Variants in PPP1R12C observed in about 807,000 individuals in gnomAD.
PPP1R12C encodes protein phosphatase 1 regulatory subunit 12C.
In PPP1R12C, 48 loss-of-function variants were observed where a neutral mutation model predicts 95.6. The ratio of observed to expected loss-of-function variants is 0.50; its 90% confidence interval spans 0.40 to 0.64. PPP1R12C has a LOEUF of 0.64. Among genes scored for constraint, PPP1R12C ranks in the 30% least tolerant of loss-of-function variants. PPP1R12C has a pLI of 0.00. For synonymous variants in PPP1R12C, 480 were observed against 460.8 expected, an observed-to-expected ratio of 1.04 and a Z score of -0.53; for missense variants, 1,057 against 1,083.3, an observed-to-expected ratio of 0.98 and a Z score of 0.34.
chr19:55,105,409 T>C (rs542246044), intron 3 of PPP1R12C, among the ~76,000 whole-genome samples: 1 of 152,358 alleles, frequency 6.6e-6, no homozygotes, highest in East Asian at 1.9e-4. Context: ...TGTCTGTATC[T>C]GTAGACAGAG....
rs1028648066 is a variant in PPP1R12C at position 55,109,941 on chromosome 19, C to G, written c.571+2526G>C. Among the ~76,000 whole-genome samples the G allele has an allele frequency of 1.3e-5, 2 of 152,176 alleles. No homozygotes were observed. Among genetic ancestry groups the G allele is most frequent in the East Asian group, 3.9e-4 (2 of 5,178 alleles). On this transcript the variant is annotated intron_variant, in intron 3 of 21. Coordinates refer to ENST00000263433, the MANE Select transcript of PPP1R12C (RefSeq NM_017607.4). The surrounding 1 kb of genome is among the most constrained non-coding windows in gnomAD (Gnocchi z 4.4). The stretch of plus-strand genomic sequence containing the variant: ...GCACGGCTGAGGGTCTTTCCAGTGG[C>G]CCCAGTGGTCTTCGTTCCTGGCTGA...
At position 55,091,715 on chromosome 19, in the gene PPP1R12C, G is replaced by GA. The variant is rs1224849214; in HGVS notation, c.2212-16dup. 4 of 1,613,630 alleles carry GA rather than the reference G, an allele frequency of 2.5e-6. No individual in the cohort carries two copies. In the Admixed American group the frequency reaches 5.0e-5, roughly 20 times the overall value. On this transcript the variant is annotated splice_polypyrimidine_tract_variant and intron_variant, in intron 20 of 21. Transcript: ENST00000263433. ...GCCCTGCGCTCCTGGAATGAACAGG[G>GA]AAAGTGCAGAAACTGAGTGAGGCTG...
intron 3 of PPP1R12C, 117 bp from the exon 4 acceptor site, chr19:55,103,685 C>T (rs896045709): frequency 3.9e-6 from 4 of 1,019,376 alleles, no homozygotes; most frequent in African/African-American, 1.7e-5. Flanking sequence ...CTTCCCCCTG[C>T]TCCCCTCTGA....
chr19:55,102,769 T>C (rs992492860), intron 4 of PPP1R12C, among the ~76,000 whole-genome samples: 2 of 152,200 alleles, frequency 1.3e-5, no homozygotes, highest in Admixed American at 1.3e-4. Context: ...GACACCATTC[T>C]TTTCCGACTT....
rs779949388 is a variant in PPP1R12C at position 55,091,746 on chromosome 19, G to A, written c.2212-46C>T. Reference sequence around the variant, plus strand: ...GCAGAAACTGAGTGAGGCTGAGGAGGGCAGGGGAAGGCCAGGGGCCAGCTG... The same window carrying A: ...GCAGAAACTGAGTGAGGCTGAGGAGAGCAGGGGAAGGCCAGGGGCCAGCTG... On this transcript the variant is annotated intron_variant, in intron 20 of 21. Transcript: ENST00000263433. 1.3e-5 allele frequency: 21 copies of A among 1,613,014 alleles called. No individual in the cohort carries two copies. The East Asian group carries it at 2.7e-4, about 21-fold the overall frequency.
At chr19:55,113,572 G>T in intron 1 of PPP1R12C, 1 of 1,312,898 alleles carries the variant, frequency 7.6e-7, no homozygotes, top group African/African-American at 1.5e-5. Flanking sequence ...CAGGCCTTGT[G>T]GACACTGGGT....
chr19:55,107,104 A>G (rs1192531595), intron 3 of PPP1R12C, among the ~76,000 whole-genome samples: 1 of 151,954 alleles, frequency 6.6e-6, no homozygotes, highest in Non-Finnish European at 1.5e-5. Context: ...ACATAAGGCC[A>G]TAGACTGCCT....
rs1232458943 is a variant in PPP1R12C, at chr19:55,094,736, T to C, written c.1517A>G (p.Glu506Gly). 2.5e-6 allele frequency: 4 copies of C among 1,609,712 alleles called. No homozygotes were observed. The highest frequency in any genetic ancestry group is 1.7e-6 in the Non-Finnish European group (2 of 1,178,934). ...ENSSPPSRIPEPESPAKPNVP... is the reference protein window; with the variant it reads ...ENSSPPSRIPGPESPAKPNVP... ...GTTTGGCTTCGCTGGGGATTCAGGCTCCGGAATCCTGGAGGGAGGCGAGGA... is the reference window on the plus strand; with the variant it reads ...GTTTGGCTTCGCTGGGGATTCAGGCCCCGGAATCCTGGAGGGAGGCGAGGA... The change falls in exon 12 of 22, where the codon GAG (glutamate) becomes GGG (glycine). Residue 506 changes from glutamate (E) to glycine (G), a missense_variant. By Grantham distance (98) the Glu-to-Gly change is moderately conservative. Around this residue, in one of 5 missense-constraint regions of PPP1R12C, gnomAD observed 356 missense variants for 330.5 expected, o/e 1.08. Coordinates refer to ENST00000263433, the MANE Select transcript of PPP1R12C (RefSeq NM_017607.4).
In PPP1R12C at chr19:55,115,848, C is replaced by T. The variant is rs1227409980; in HGVS notation, c.321+1375G>A. 2.6e-5 allele frequency among the ~76,000 whole-genome samples: 4 copies of T among 152,134 alleles called. No homozygotes were observed. The East Asian group carries it at 7.7e-4, about 29-fold the overall frequency. ...ACCGGCCCTGGGAATATAAGGTGGT[C>T]CCAGCTCGGGGACACAGGATCCCTG... On this transcript the variant is annotated intron_variant, in intron 1 of 21. Transcript: ENST00000263433.
At position 55,112,470 on chromosome 19, in the gene PPP1R12C, G is replaced by A; in HGVS notation, c.568C>T (p.Arg190Ter). ...CACACAGCACACCAGAGCCCACCTC[G>A]GCGGGCGATCTCCGCCTTCAGCAGC... ...EGLLKAEIARRGVDVEAAKRA... is the reference protein window; with the variant it reads ...EGLLKAEIAR The change falls in exon 3 of 22, where the codon CGA becomes TGA. Residue 190 changes from arginine to a stop codon, truncating the protein, a stop_gained. Coordinates refer to ENST00000263433, the MANE Select transcript of PPP1R12C (RefSeq NM_017607.4). LOFTEE classifies it high-confidence loss of function. 3.7e-6 allele frequency: 6 copies of A among 1,610,332 alleles called. No individual in the cohort carries two copies. Among genetic ancestry groups the A allele is most frequent in the Non-Finnish European group, 5.1e-6 (6 of 1,179,418 alleles).
intron 17 of PPP1R12C, 23 bp from the exon 18 acceptor site, chr19:55,092,567 G>A (rs1163292727): frequency 1.9e-6 from 3 of 1,580,060 alleles, no homozygotes; most frequent in Non-Finnish European, 2.6e-6. Flanking sequence ...AGGAGCGCGC[G>A]TCAGGGGCCG....
chr19:55,117,607 C>T lies in PPP1R12C; in HGVS notation c.-64G>A. 1.3e-5 allele frequency: 12 copies of T among 936,810 alleles called. No homozygotes were observed. Among genetic ancestry groups the T allele is most frequent in the Non-Finnish European group, 1.5e-5 (12 of 787,792 alleles). 58.0% of individuals were successfully genotyped at this position (936,810 alleles called of 1,614,324 possible). On this transcript the variant is annotated 5_prime_UTR_variant, in exon 1 of 22. Transcript: ENST00000263433. ...GCCCCAACCGCCGCCACCACCCGCCCGCCCGCCCGCCCCGGGGGCCGCCGG... is the reference window on the plus strand; with the variant it reads ...GCCCCAACCGCCGCCACCACCCGCCTGCCCGCCCGCCCCGGGGGCCGCCGG...
In PPP1R12C at chr19:55,112,765, G is replaced by T. The variant is rs142080632; in HGVS notation, c.352C>A (p.Arg118Ser). 6.2e-7 allele frequency: 1 copy of T among 1,613,442 alleles called. No individual in the cohort carries two copies. Among genetic ancestry groups the T allele is most frequent in the South Asian group, 1.1e-5 (1 of 91,062 alleles). Reference sequence around the variant, plus strand: ...GTGGCGCCCTGCTCCACCAAGAAGCGCACCACCTCCAGGTTCTCATCAATG... The same window carrying T: ...GTGGCGCCCTGCTCCACCAAGAAGCTCACCACCTCCAGGTTCTCATCAATG... ...ACIDENLEVV[R>S]FLVEQGATVN... Residue 118 changes from arginine (R) to serine (S), a missense_variant, in exon 2 of 22, where the codon CGC (arginine) becomes AGC (serine). Physicochemically the swap from Arg to Ser is moderately radical, Grantham distance 110. Around this residue, in one of 5 missense-constraint regions of PPP1R12C, gnomAD observed 282 missense variants for 380.4 expected, o/e 0.74. Coordinates refer to ENST00000263433, the MANE Select transcript of PPP1R12C (RefSeq NM_017607.4).
At chr19:55,117,016 G>A (rs1240451972) in intron 1 of PPP1R12C, among the ~76,000 whole-genome samples, 1 of 152,162 alleles carries the variant, frequency 6.6e-6, no homozygotes, top group African/African-American at 2.4e-5. Flanking sequence ...TAAGCCCAGG[G>A]CCAGTTGAAG....
intron 3 of PPP1R12C, among the ~76,000 whole-genome samples, chr19:55,107,879 C>G (rs996576580): frequency 1.3e-5 from 2 of 150,828 alleles, no homozygotes; most frequent in Non-Finnish European, 2.9e-5. Flanking sequence ...AATAAAGAAA[C>G]TCCATCTCAG....
chr19:55,105,366 T>C (rs970801291), intron 3 of PPP1R12C, among the ~76,000 whole-genome samples: 1 of 152,170 alleles, frequency 6.6e-6, no homozygotes, highest in Non-Finnish European at 1.5e-5. Flanking sequence ...CCTTCTGCAA[T>C]TTGCTTCTTG....
intron 1 of PPP1R12C, among the ~76,000 whole-genome samples, chr19:55,115,679 G>A (rs962405622): frequency 6.6e-6 from 1 of 152,236 alleles, no homozygotes; most frequent in African/African-American, 2.4e-5. Context: ...CTGCCTAACA[G>A]GAGGTGGGGG....
At chr19:55,098,459 A>G (rs1347891340) in intron 6 of PPP1R12C, among the ~76,000 whole-genome samples, 1 of 152,204 alleles carries the variant, frequency 6.6e-6, no homozygotes, top group Non-Finnish European at 1.5e-5. Context: ...GTCTAGGACA[A>G]TCCTGCACAT....
intron 1 of PPP1R12C, 96 bp from the exon 2 acceptor site, chr19:55,112,891 A>T: frequency 6.6e-7 from 1 of 1,525,518 alleles, no homozygotes; most frequent in South Asian, 1.2e-5. Flanking sequence ...AGATCCAGGG[A>T]CACGGTGCTA....
Sources: allele counts gnomAD v4.1 joint callset (sites outside exome capture counted in the v4.1 genomes callset), GRCh38; gene constraint gnomAD v4.1.1; regional missense constraint gnomAD v4.1.1; non-coding constraint Gnocchi (gnomAD v3.1); transcripts MANE v1.5; gene names NCBI Gene and HGNC (gene_info 2026-07-23, HGNC 2026-07-21).